Variants in PACS1 observed in about 807,000 individuals in gnomAD.
PACS1 encodes phosphofurin acidic cluster sorting protein 1.
Under a neutral mutation model 115.0 loss-of-function variants are expected in PACS1, and 24 were observed. The observed-to-expected ratio is 0.21, with a 90% CI of 0.15 to 0.29. The LOEUF (loss-of-function observed/expected upper bound fraction) is 0.29. Ranked by LOEUF, PACS1 falls within the 10% of genes least tolerant of loss-of-function variation. The pLI, the probability that PACS1 is intolerant of heterozygous loss-of-function variation, is 1.00. For synonymous variants in PACS1, 453 were observed against 504.5 expected (o/e 0.90, Z 1.37); for missense variants, 838 against 1,251.2 (o/e 0.67, Z 4.98).
At chr11:66,150,670 T>C (rs2134607817) in intron 1 of PACS1, among the ~76,000 whole-genome samples, 1 of 152,326 alleles carries the variant, frequency 6.6e-6, no homozygotes, top group Admixed American at 6.5e-5. Context: ...TAAGGTGTTA[T>C]ATTTAAAAAT....
chr11:66,203,991 G>C (rs960485824), intron 2 of PACS1, among the ~76,000 whole-genome samples: 1 of 152,026 alleles, frequency 6.6e-6, no homozygotes, highest in East Asian at 1.9e-4. Context: ...AATTGATCTG[G>C]GCAGAGATTT....
chr11:66,095,657 C>G (rs2134519508), intron 1 of PACS1, among the ~76,000 whole-genome samples: 1 of 152,258 alleles, frequency 6.6e-6, no homozygotes, highest in Middle Eastern at 3.4e-3. Context: ...GGAGTTTCAC[C>G]ATGTTGGCCA....
chr11:66,215,565 G>A (rs1299123727), intron 4 of PACS1, among the ~76,000 whole-genome samples: 28 of 151,650 alleles, frequency 1.8e-4, no homozygotes, highest in Admixed American at 1.6e-3. Context: ...ACACCAGTGC[G>A]TGCCAGCCTG....
chr11:66,101,909 G>C (rs1857928630), intron 1 of PACS1, among the ~76,000 whole-genome samples: 1 of 152,160 alleles, frequency 6.6e-6, no homozygotes, highest in Admixed American at 6.5e-5. Flanking sequence ...CCAGACCAGG[G>C]TCCAGTGTAT....
At chr11:66,224,195 CAAAA>C (rs71036281) in intron 10 of PACS1, among the ~76,000 whole-genome samples, 6 of 81,350 alleles carry the variant, frequency 7.4e-5, no homozygotes, top group African/African-American at 2.1e-4. Flanking sequence ...GACTCCATCT[CAAAA>C]AAAAAAAAAA....
chr11:66,233,818 G>A lies in PACS1; in HGVS notation c.1872G>A (p.Val624=), dbSNP rs774752409. The A allele has an allele frequency of 6.2e-7, 1 of 1,613,908 alleles. No individual in the cohort carries two copies. Among genetic ancestry groups the A allele is most frequent in the Non-Finnish European group, 8.5e-7 (1 of 1,179,876 alleles). Residue 624 remains valine, a synonymous_variant, in exon 16 of 24, where the codon GTG becomes GTA. Coordinates refer to ENST00000320580, the MANE Select transcript of PACS1 (RefSeq NM_018026.4). The surrounding 1 kb of genome is among the most constrained non-coding windows in gnomAD (Gnocchi z 4.5). The stretch of plus-strand genomic sequence containing the variant: ...GCAACTCTTCCATGCCGAGGCCAGT[G>A]AAGGTGGCTGCTGTGGGAGGCCAGA... ...CNCNSSMPRP[V]KVAAVGGQSY...
In PACS1 at chr11:66,070,610, CCGCAGCAGCCGA is replaced by C; in HGVS notation, c.128_139del (p.Gln43_Thr46del). 1.3e-6 allele frequency: 2 copies of C among 1,530,672 alleles called. No homozygotes were observed. The highest frequency in any genetic ancestry group is 1.4e-5 in the African/African-American group (1 of 69,916). The allele number at this position is 1,530,672 out of a possible 1,614,324, so 94.8% of individuals were successfully genotyped here. ...GCCGCAGCAGCAGCAGCAGCAGCCG[CCGCAGCAGCCGA>C]CGCCCCCCAAGCTGGCCCAGGCCAC... On this transcript the variant is annotated inframe_deletion, in exon 1 of 24. Transcript: ENST00000320580. This position sits in a 1 kb window ranked among gnomAD's most constrained non-coding sequence, Gnocchi z 5.9.
intron 1 of PACS1, among the ~76,000 whole-genome samples, chr11:66,105,526 G>A (rs1315135210): frequency 6.6e-6 from 1 of 152,152 alleles, no homozygotes; most frequent in Admixed American, 6.5e-5. Context: ...AAATATGAAT[G>A]AATATGGACA....
Position 66,227,563 on chromosome 11 carries a change from C to T in PACS1, c.1353C>T (p.Ser451=), listed in dbSNP as rs144058964. 134 of 1,610,176 alleles carry T rather than the reference C, an allele frequency of 8.3e-5. No individual in the cohort carries two copies. The highest frequency in any genetic ancestry group is 1.0e-4 in the Non-Finnish European group (119 of 1,177,310). ...KSTWIKNQDD[S]LTETDTLEIT... is the part of the protein sequence containing the mutation. The stretch of plus-strand genomic sequence containing the variant: ...CTTGGATTAAAAACCAAGATGACAG[C>T]TTGACTGAAACAGACACTCTGGTAT... Residue 451 remains serine, a synonymous_variant, in exon 11 of 24, where the codon AGC becomes AGT. Transcript: ENST00000320580.
At chr11:66,112,224 A>G (rs138122430) in intron 1 of PACS1, among the ~76,000 whole-genome samples, 228 of 152,244 alleles carry the variant, frequency 1.5e-3, no homozygotes, top group African/African-American at 4.4e-3. Flanking sequence ...CTGGCCTACA[A>G]GATCCTGTTT....
intron 1 of PACS1, among the ~76,000 whole-genome samples, chr11:66,117,647 G>T (rs550292767): frequency 6.6e-6 from 1 of 151,796 alleles, no homozygotes; most frequent in Non-Finnish European, 1.5e-5. Flanking sequence ...GGGAGTTCGC[G>T]ACCAGCCTGA....
Position 66,244,301 on chromosome 11 carries a change from C to T in PACS1, c.*1021C>T. The stretch of plus-strand genomic sequence containing the variant: ...CTGCCTTTCCCTGCTCTGTTCTTCC[C>T]CCTCCTTAGGCCCCAGCCTGGGCCC... On this transcript the variant is annotated 3_prime_UTR_variant, in exon 24 of 24. Coordinates refer to ENST00000320580, the MANE Select transcript of PACS1 (RefSeq NM_018026.4). 6.6e-6 allele frequency: 1 copy of T among 152,504 alleles called. No homozygotes were observed. Among genetic ancestry groups the T allele is most frequent in the Non-Finnish European group, 1.5e-5 (1 of 68,190 alleles). The allele number at this position is 152,504 out of a possible 1,614,324, so 9.4% of individuals were successfully genotyped here.
chr11:66,130,585 A>G (rs1858676519), intron 1 of PACS1, among the ~76,000 whole-genome samples: 1 of 152,104 alleles, frequency 6.6e-6, no homozygotes. Context: ...CTGTAAATTT[A>G]TATAAATAGT....
intron 1 of PACS1, among the ~76,000 whole-genome samples, chr11:66,100,056 T>G (rs1857878410): frequency 6.6e-6 from 1 of 151,950 alleles, no homozygotes; most frequent in Admixed American, 6.6e-5. Context: ...AATTTTGTAT[T>G]TTTAGTAGAG....
At position 66,099,263 on chromosome 11, in the gene PACS1, G is replaced by A. The variant is rs1232733330; in HGVS notation, c.356+28421G>A. ...TTTTGAGACAGAGTGTCGCTCTGTC[G>A]CCCAGGCTGCAGTGCATTGGCACAA... On this transcript the variant is annotated intron_variant, in intron 1 of 23. Transcript: ENST00000320580. Among the ~76,000 whole-genome samples, 7 of 151,842 alleles carry A rather than the reference G, an allele frequency of 4.6e-5. No individual in the cohort carries two copies. The South Asian group carries it at 6.2e-4, about 14-fold the overall frequency.
intron 1 of PACS1, among the ~76,000 whole-genome samples, chr11:66,087,543 T>TG (rs1285853502): frequency 3.9e-5 from 6 of 152,238 alleles, no homozygotes; most frequent in African/African-American, 1.4e-4. Flanking sequence ...CAAGAACACT[T>TG]GTATCTAACT....
chr11:66,171,092 T>A (rs1210425493), intron 1 of PACS1, among the ~76,000 whole-genome samples: 1 of 150,452 alleles, frequency 6.6e-6, no homozygotes, highest in Non-Finnish European at 1.5e-5. Context: ...AATTATCAAT[T>A]ACTAAGAGAG....
At chr11:66,122,019 T>C (rs1858454858) in intron 1 of PACS1, among the ~76,000 whole-genome samples, 1 of 152,136 alleles carries the variant, frequency 6.6e-6, no homozygotes, top group African/African-American at 2.4e-5. Context: ...AGGACTTTCA[T>C]AGCTAGAGAG....
At chr11:66,198,434 G>T (rs1854696751) in intron 2 of PACS1, among the ~76,000 whole-genome samples, 1 of 152,176 alleles carries the variant, frequency 6.6e-6, no homozygotes, top group Admixed American at 6.6e-5. Flanking sequence ...CAATAAAAAA[G>T]AATGAAGTAC....
Sources: allele counts gnomAD v4.1 joint callset (sites outside exome capture counted in the v4.1 genomes callset), GRCh38; gene constraint gnomAD v4.1.1; non-coding constraint Gnocchi (gnomAD v3.1); transcripts MANE v1.5; gene names NCBI Gene and HGNC (gene_info 2026-07-23, HGNC 2026-07-21).